The following ATAD2B variants were observed in gnomAD, a reference collection of about 807,000 sequenced individuals.
ATAD2B encodes ATPase family AAA domain-containing protein 2B.
Under a neutral mutation model 167.6 loss-of-function variants are expected in ATAD2B, and 40 were observed. That is an observed-to-expected ratio of 0.24 (90% confidence interval 0.19 to 0.31). ATAD2B has a LOEUF of 0.31. ATAD2B is among the 10% of genes least tolerant of loss of function. The pLI is 1.00. For synonymous variants in ATAD2B, 579 were observed against 596.5 expected, an observed-to-expected ratio of 0.97 and a Z score of 0.43; for missense variants, 1,242 against 1,757.2, an observed-to-expected ratio of 0.71 and a Z score of 5.24.
chr2:23,893,083 C>A (rs556042486), intron 2 of ATAD2B, among the ~76,000 whole-genome samples: 25 of 152,240 alleles, frequency 1.6e-4, no homozygotes, highest in Admixed American at 1.5e-3. Flanking sequence ...GGCCTTTAAA[C>A]CCAGGTTTCA....
intron 22 of ATAD2B, among the ~76,000 whole-genome samples, chr2:23,774,773 G>A (rs1678826883): frequency 6.6e-6 from 1 of 152,092 alleles, no homozygotes; most frequent in Non-Finnish European, 1.5e-5. Flanking sequence ...GGTGGCGCAT[G>A]CCTATAATCC....
intron 1 of ATAD2B, among the ~76,000 whole-genome samples, chr2:23,916,769 G>C (rs1327953584): frequency 1.3e-5 from 2 of 152,156 alleles, no homozygotes; most frequent in African/African-American, 4.8e-5. Context: ...TAACTTTAGG[G>C]TGCTTTTGGC....
chr2:23,823,211 C>A, intron 16 of ATAD2B, 47 bp downstream of exon 16: 2 of 1,368,058 alleles, frequency 1.5e-6, no homozygotes, highest in Non-Finnish European at 2.0e-6. Flanking sequence ...TTTATTTATT[C>A]CTGTATTTGT....
At chr2:23,837,415 T>C (rs1488875914) in intron 13 of ATAD2B, among the ~76,000 whole-genome samples, 1 of 152,130 alleles carries the variant, frequency 6.6e-6, no homozygotes, top group East Asian at 1.9e-4. Flanking sequence ...CTGGGAGGGC[T>C]GGACCCCTGT....
chr2:23,894,335 G>C (rs531227978), intron 2 of ATAD2B, among the ~76,000 whole-genome samples: 209 of 152,130 alleles, frequency 1.4e-3, no homozygotes, highest in South Asian at 1.5e-3. Flanking sequence ...TACAAAATTA[G>C]CTGGGCGTGG....
intron 5 of ATAD2B, among the ~76,000 whole-genome samples, chr2:23,885,134 G>A (rs1698488481): frequency 6.6e-6 from 1 of 152,060 alleles, no homozygotes; most frequent in South Asian, 2.1e-4. Context: ...CTAGTAGGAG[G>A]GAAATAAGAC....
the ATAD2B span, among the ~76,000 whole-genome samples, chr2:23,703,015 C>T: frequency 6.6e-5 from 10 of 152,320 alleles, no homozygotes; most frequent in Admixed American, 5.9e-4. Context: ...GGACGAGACC[C>T]CAGGAGGTCT....
intron 2 of ATAD2B, among the ~76,000 whole-genome samples, chr2:23,892,489 T>TA (rs1444200835): frequency 4.0e-5 from 6 of 150,392 alleles, no homozygotes; most frequent in Non-Finnish European, 7.4e-5. Flanking sequence ...TTTTTTTTTT[T>TA]AAGACAGAGT....
chr2:23,758,345 G>A (rs1676203868), intron 24 of ATAD2B, among the ~76,000 whole-genome samples: 1 of 152,148 alleles, frequency 6.6e-6, no homozygotes. Flanking sequence ...AGTTTATTCA[G>A]CACTAATCTT....
chr2:23,769,034 G>A (rs1441282029), intron 22 of ATAD2B, among the ~76,000 whole-genome samples: 2 of 152,178 alleles, frequency 1.3e-5, no homozygotes, highest in Non-Finnish European at 2.9e-5. Flanking sequence ...ACTAAGGGGT[G>A]GAATGGCTAG....
chr2:23,760,829 A>G (rs1023877602), intron 24 of ATAD2B, among the ~76,000 whole-genome samples: 1 of 148,680 alleles, frequency 6.7e-6, no homozygotes, highest in African/African-American at 2.5e-5. Flanking sequence ...CGATCTTTAG[A>G]GTCAATTTTT....
At chr2:23,889,114 A>G (rs1269205332) in intron 2 of ATAD2B, among the ~76,000 whole-genome samples, 1 of 152,224 alleles carries the variant, frequency 6.6e-6, no homozygotes, top group Non-Finnish European at 1.5e-5. Flanking sequence ...AGTTTCGAAG[A>G]TTAAAAAACT....
intron 18 of ATAD2B, among the ~76,000 whole-genome samples, chr2:23,804,086 A>G (rs1000520296): frequency 3.9e-5 from 6 of 152,204 alleles, no homozygotes; most frequent in South Asian, 2.1e-4. Flanking sequence ...ATCTTTTTCA[A>G]TCTTTCCAGT....
intron 14 of ATAD2B, among the ~76,000 whole-genome samples, chr2:23,833,040 C>G (rs1689313247): frequency 1.3e-5 from 2 of 152,186 alleles, no homozygotes; most frequent in Admixed American, 6.5e-5. Context: ...AGCTAAATAA[C>G]CTGGTGCCAA....
intron 15 of ATAD2B, among the ~76,000 whole-genome samples, chr2:23,828,365 G>T (rs753538956): frequency 4.6e-5 from 7 of 152,062 alleles, no homozygotes; most frequent in Non-Finnish European, 8.8e-5. Flanking sequence ...TATATTTGGG[G>T]AACTACTACC....
intron 13 of ATAD2B, among the ~76,000 whole-genome samples, chr2:23,838,845 A>G (rs1690424655): frequency 6.6e-6 from 1 of 152,152 alleles, no homozygotes; most frequent in African/African-American, 2.4e-5. Flanking sequence ...TCTTCTGCCA[A>G]TATCAAATTT....
intron 24 of ATAD2B, among the ~76,000 whole-genome samples, chr2:23,759,641 G>A (rs1676404959): frequency 6.6e-6 from 1 of 152,086 alleles, no homozygotes. Flanking sequence ...TGAGTCATTT[G>A]GCTCAACATG....
In ATAD2B at chr2:23,751,996, T is replaced by C; in HGVS notation, c.*50A>G. ...TTTGAAATTGAATGGCTCAGAAGAC[T>C]GCTCTGTGAGGAGCAGATTGGAGAG... is the stretch of plus-strand genomic sequence containing the variant. On this transcript the variant is annotated 3_prime_UTR_variant, in exon 28 of 28. Coordinates refer to ENST00000238789, the MANE Select transcript of ATAD2B (RefSeq NM_017552.4). 2.1e-6 allele frequency: 3 copies of C among 1,408,112 alleles called. No individual in the cohort carries two copies. The highest frequency in any genetic ancestry group is 2.9e-6 in the Non-Finnish European group (3 of 1,017,932). The allele number at this position is 1,408,112 out of a possible 1,614,324, so 87.2% of individuals were successfully genotyped here. A position where few individuals can be genotyped will look rare whatever the true frequency, so the allele number is the denominator to read the frequency against.
At chr2:23,909,247 C>T (rs1701914548) in intron 1 of ATAD2B, among the ~76,000 whole-genome samples, 1 of 151,670 alleles carries the variant, frequency 6.6e-6, no homozygotes. Context: ...ACCTGTAATC[C>T]CAGCATTTTG....
Sources: allele counts gnomAD v4.1 joint callset (sites outside exome capture counted in the v4.1 genomes callset), GRCh38; gene constraint gnomAD v4.1.1; transcripts MANE v1.5; gene names NCBI Gene and HGNC (gene_info 2026-07-23, HGNC 2026-07-21).